GRM1: variants seen among roughly 807,000 people sequenced by gnomAD.
GRM1 encodes metabotropic glutamate receptor 1.
Under a neutral mutation model 90.9 loss-of-function variants are expected in GRM1, and 33 were observed. The ratio of observed to expected loss-of-function variants is 0.36; its 90% CI spans 0.28 to 0.49. The LOEUF (loss-of-function observed/expected upper bound fraction) is 0.49, where lower values mean the gene tolerates loss of function less well. Ranked by LOEUF, GRM1 falls within the 20% of genes least tolerant of loss-of-function variation. GRM1 has a pLI of 0.99. For synonymous variants in GRM1, 700 were observed against 613.2 expected, an observed-to-expected ratio of 1.14 and a Z score of -2.09; for missense variants, 1,190 against 1,534.3, an observed-to-expected ratio of 0.78 and a Z score of 3.75.
chr6:146,327,552 A>AG (rs1395539871), intron 3 of GRM1, among the ~76,000 whole-genome samples: 2 of 152,184 alleles, frequency 1.3e-5, no homozygotes, highest in Non-Finnish European at 2.9e-5. Context: ...AAAGTAAAAA[A>AG]TGGCTTACAA....
In GRM1 at chr6:146,435,922, T is replaced by C. The variant is rs969097739; in HGVS notation, c.*1126T>C. 1 of 152,702 alleles carries C rather than the reference T, an allele frequency of 6.5e-6. No homozygotes were observed. Among genetic ancestry groups the C allele is most frequent in the Non-Finnish European group, 1.5e-5 (1 of 68,046 alleles). 9.5% of individuals were successfully genotyped at this position (152,702 alleles called of 1,614,324 possible). ...AGAGAAACAAATCCATCTTTGAATCTAATGGTGTACTCATAGCAACTATTA... is the reference window on the plus strand; with the variant it reads ...AGAGAAACAAATCCATCTTTGAATCCAATGGTGTACTCATAGCAACTATTA... On this transcript the variant is annotated 3_prime_UTR_variant, in exon 8 of 8. Coordinates refer to ENST00000282753, the MANE Select transcript of GRM1 (RefSeq NM_001278064.2).
In GRM1 at chr6:146,052,514, G is replaced by A. The variant is rs931818874; in HGVS notation, c.700+22297G>A. ...GAGAAAGGGGTAAAGAGTGTGTCTA[G>A]CATTGCAAATGTATAGGGTGAGTCT... is the stretch of plus-strand genomic sequence containing the variant. On this transcript the variant is annotated intron_variant, in intron 1 of 7. Coordinates refer to ENST00000282753, the MANE Select transcript of GRM1 (RefSeq NM_001278064.2). Among the ~76,000 whole-genome samples, 3 of 151,888 alleles carry A rather than the reference G, an allele frequency of 2.0e-5. No homozygotes were observed. The East Asian group carries it at 5.8e-4, about 30-fold the overall frequency.
At chr6:146,038,397 A>G (rs1251987341) in intron 1 of GRM1, among the ~76,000 whole-genome samples, 2 of 152,006 alleles carry the variant, frequency 1.3e-5, no homozygotes, top group African/African-American at 4.8e-5. Flanking sequence ...AGGGTGAAGT[A>G]TACAGAAAAC....
chr6:146,119,073 C>T (rs528672481), intron 1 of GRM1, among the ~76,000 whole-genome samples: 177 of 152,324 alleles, frequency 1.2e-3, no homozygotes, highest in African/African-American at 4.1e-3. Flanking sequence ...TGAAAGTGTT[C>T]CTGTTTCTCC....
In GRM1 at chr6:146,138,859, C is replaced by T. The variant is rs145029238; in HGVS notation, c.701-20489C>T. ...TCTGATCTTCATTATTTATTTTCTTCTACTAATTTGCGGTTTGATTTGCTC... is the reference window on the plus strand; with the variant it reads ...TCTGATCTTCATTATTTATTTTCTTTTACTAATTTGCGGTTTGATTTGCTC... On this transcript the variant is annotated intron_variant, in intron 1 of 7. Transcript: ENST00000282753. Among the ~76,000 whole-genome samples, 594 of 151,288 alleles carry T rather than the reference C, an allele frequency of 3.9e-3. 5 individuals are homozygous for T. Among genetic ancestry groups the T allele is most frequent in the African/African-American group, 0.014 (563 of 41,246 alleles).
intron 2 of GRM1, among the ~76,000 whole-genome samples, chr6:146,302,969 A>G (rs1783445760): frequency 6.6e-6 from 1 of 152,154 alleles, no homozygotes; most frequent in African/African-American, 2.4e-5. Context: ...ACCCTAGTGG[A>G]TTTGGAAGCA....
At chr6:146,161,019 T>G (rs1777703537) in intron 2 of GRM1, among the ~76,000 whole-genome samples, 1 of 152,124 alleles carries the variant, frequency 6.6e-6, no homozygotes, top group Non-Finnish European at 1.5e-5. Flanking sequence ...GTTATTTCTT[T>G]TAGGAGTGAA....
At chr6:146,380,229 G>A (rs534100311) in intron 5 of GRM1, among the ~76,000 whole-genome samples, 1 of 152,236 alleles carries the variant, frequency 6.6e-6, no homozygotes, top group Admixed American at 6.5e-5. Flanking sequence ...GGATTTGGAA[G>A]TTCCATCTGG....
intron 1 of GRM1, among the ~76,000 whole-genome samples, chr6:146,078,303 G>C (rs1776255402): frequency 6.6e-6 from 1 of 152,222 alleles, no homozygotes; most frequent in African/African-American, 2.4e-5. Flanking sequence ...TGCCATGTCT[G>C]AACTGCCTTC....
At chr6:146,271,622 G>C (rs1399831283) in intron 2 of GRM1, among the ~76,000 whole-genome samples, 1 of 152,194 alleles carries the variant, frequency 6.6e-6, no homozygotes, top group Non-Finnish European at 1.5e-5. Flanking sequence ...CTGTCATTAA[G>C]TTTTGTAAGC....
chr6:146,124,111 A>G lies in GRM1; in HGVS notation c.701-35237A>G, dbSNP rs773467435. ...TTTGTACACGTATTTCTATATCTTC[A>G]TAACTATGCAAATTCAATATTTTTC... On this transcript the variant is annotated intron_variant, in intron 1 of 7. Transcript: ENST00000282753. 1.4e-4 allele frequency among the ~76,000 whole-genome samples: 21 copies of G among 152,204 alleles called. No individual in the cohort carries two copies. In the East Asian group the frequency reaches 3.1e-3, roughly 22 times the overall value.
At chr6:146,035,959 C>T (rs1790876219) in intron 1 of GRM1, among the ~76,000 whole-genome samples, 1 of 151,916 alleles carries the variant, frequency 6.6e-6, no homozygotes, top group African/African-American at 2.4e-5. Flanking sequence ...ACACAATCAC[C>T]CTGTGACTAC....
chr6:146,028,278 TATGG>T (rs1790571439), upstream of GRM1, among the ~76,000 whole-genome samples: 1 of 130,676 alleles, frequency 7.7e-6, no homozygotes, highest in Admixed American at 7.7e-5. Flanking sequence ...TGTGTGTGTG[TATGG>T]GTAAAGAACT....
chr6:146,349,048 T>TATTATC (rs1196691298), intron 3 of GRM1, among the ~76,000 whole-genome samples: 6 of 59,306 alleles, frequency 1.0e-4, no homozygotes, highest in Non-Finnish European at 1.9e-4. Flanking sequence ...TGGTAGCTAT[T>TATTATC]ATTATTATTA....
intron 1 of GRM1, among the ~76,000 whole-genome samples, chr6:146,084,202 AT>A (rs1192587338): frequency 6.6e-6 from 1 of 150,580 alleles, no homozygotes; most frequent in Admixed American, 6.6e-5. Context: ...GGATTCATTG[AT>A]TTTTTTGGAG....
chr6:146,082,682 T>G (rs1562451740), intron 1 of GRM1, among the ~76,000 whole-genome samples: 1 of 152,210 alleles, frequency 6.6e-6, no homozygotes, highest in Non-Finnish European at 1.5e-5. Flanking sequence ...AATCATTTTT[T>G]ACCGAATTGC....
intron 2 of GRM1, among the ~76,000 whole-genome samples, chr6:146,209,870 G>A (rs1344209558): frequency 3.9e-5 from 6 of 152,076 alleles, no homozygotes; most frequent in Admixed American, 2.0e-4. Context: ...GGAAAGCAGA[G>A]GTTGAAATAA....
chr6:146,179,339 A>T (rs959705806), intron 2 of GRM1, among the ~76,000 whole-genome samples: 2 of 152,132 alleles, frequency 1.3e-5, no homozygotes, highest in Non-Finnish European at 2.9e-5. Context: ...AGATGACCTT[A>T]TGACCCCAGC....
chr6:146,386,616 T>A (rs2114528170), intron 5 of GRM1, among the ~76,000 whole-genome samples: 1 of 152,154 alleles, frequency 6.6e-6, no homozygotes, highest in Admixed American at 6.6e-5. Flanking sequence ...GTTTCATTTT[T>A]AACTCTGCAA....
Sources: allele counts gnomAD v4.1 joint callset (sites outside exome capture counted in the v4.1 genomes callset), GRCh38; gene constraint gnomAD v4.1.1; transcripts MANE v1.5; gene names NCBI Gene and HGNC (gene_info 2026-07-23, HGNC 2026-07-21).